Variants in LGR5 observed in about 807,000 individuals in gnomAD.
LGR5 encodes leucine rich repeat containing G protein-coupled receptor 5.
A neutral mutation model predicts 76.7 loss-of-function variants in LGR5; 54 were observed. That is an observed-to-expected ratio of 0.70 (90% confidence interval 0.57 to 0.88). LGR5 has a LOEUF of 0.88. LGR5 is among the 40% of genes least tolerant of loss of function. LGR5 has a pLI of 0.00. For synonymous variants in LGR5, 406 were observed against 421.9 expected, an observed-to-expected ratio of 0.96 and a Z score of 0.46; for missense variants, 1,078 against 1,073.3, an observed-to-expected ratio of 1.00 and a Z score of -0.06.
At chr12:71,567,205 C>T (rs1265290270) in intron 11 of LGR5, 1 of 377,288 alleles carries the variant, frequency 2.7e-6, no homozygotes, top group Non-Finnish European at 5.0e-6. Context: ...ACTTTATTTC[C>T]CCCTCTAAAG....
chr12:71,486,310 T>C (rs1009582678), intron 1 of LGR5, among the ~76,000 whole-genome samples: 1 of 152,146 alleles, frequency 6.6e-6, no homozygotes, highest in African/African-American at 2.4e-5. Context: ...AAGTACATAG[T>C]CAGTGTCCTC....
At chr12:71,565,259 C>T (rs1878282644) in intron 8 of LGR5, among the ~76,000 whole-genome samples, 1 of 151,764 alleles carries the variant, frequency 6.6e-6, no homozygotes, top group South Asian at 2.1e-4. Context: ...TATCCAAACC[C>T]TACCACTAAG....
chr12:71,471,586 T>C (rs922335060), intron 1 of LGR5, among the ~76,000 whole-genome samples: 1 of 152,116 alleles, frequency 6.6e-6, no homozygotes, highest in Non-Finnish European at 1.5e-5. Context: ...CACTGAATTG[T>C]AATACTTTAG....
chr12:71,572,361 C>T (rs774016308), intron 12 of LGR5, among the ~76,000 whole-genome samples: 4 of 152,162 alleles, frequency 2.6e-5, no homozygotes, highest in African/African-American at 7.2e-5. Context: ...CGATTACAGG[C>T]GTGAGCCACC....
At position 71,448,084 on chromosome 12, in the gene LGR5, A is replaced by AACACACACACACAC. The variant is rs35911721; in HGVS notation, c.212+7808_212+7821dup. Among the ~76,000 whole-genome samples the AACACACACACACAC allele has an allele frequency of 6.2e-3, 905 of 145,660 alleles. 5 individuals carry two copies. The highest frequency in any genetic ancestry group is 0.013 in the African/African-American group (499 of 39,806). ...TCCTCGTCTCCCTCACACACACACA[A>AACACACACACACAC]ACACACACACACACACACACACACA... On this transcript the variant is annotated intron_variant, in intron 1 of 17. Transcript: ENST00000266674.
chr12:71,473,238 A>C (rs974717445), intron 1 of LGR5, among the ~76,000 whole-genome samples: 31 of 152,314 alleles, frequency 2.0e-4, no homozygotes, highest in African/African-American at 7.2e-4. Context: ...ATCAACATTC[A>C]TAGAAATGTT....
At chr12:71,456,733 G>T (rs1872495111) in intron 1 of LGR5, among the ~76,000 whole-genome samples, 2 of 152,138 alleles carry the variant, frequency 1.3e-5, no homozygotes, top group Admixed American at 6.6e-5. Flanking sequence ...ATTTTAGCTA[G>T]AAATTATTAA....
At chr12:71,505,311 T>C (rs1565701576) in intron 2 of LGR5, among the ~76,000 whole-genome samples, 1 of 152,226 alleles carries the variant, frequency 6.6e-6, no homozygotes, top group Non-Finnish European at 1.5e-5. Flanking sequence ...GGAATTTTGA[T>C]TAAGTCTAGT....
chr12:71,534,770 A>G (rs1044172786), intron 3 of LGR5, among the ~76,000 whole-genome samples: 2 of 152,184 alleles, frequency 1.3e-5, no homozygotes, highest in Non-Finnish European at 2.9e-5. Context: ...AAATATTCAC[A>G]AGGATTTTCT....
intron 1 of LGR5, among the ~76,000 whole-genome samples, chr12:71,472,929 C>T (rs1156974666): frequency 6.6e-6 from 1 of 152,136 alleles, no homozygotes; most frequent in Non-Finnish European, 1.5e-5. Context: ...CAAACCTAAT[C>T]CTAAGTGGAT....
intron 1 of LGR5, among the ~76,000 whole-genome samples, chr12:71,479,042 G>C (rs1260560266): frequency 6.6e-6 from 1 of 152,172 alleles, no homozygotes; most frequent in Non-Finnish European, 1.5e-5. Context: ...AATCAGAGTA[G>C]AATCTGTGTC....
intron 4 of LGR5, among the ~76,000 whole-genome samples, chr12:71,549,268 A>C (rs1877355161): frequency 6.9e-6 from 1 of 145,598 alleles, no homozygotes; most frequent in Non-Finnish European, 1.5e-5. Context: ...CAGAGTGTAG[A>C]ATAGTGGTCG....
intron 2 of LGR5, among the ~76,000 whole-genome samples, chr12:71,514,586 A>AAAG: frequency 1.3e-5 from 2 of 149,928 alleles, no homozygotes; most frequent in African/African-American, 4.9e-5. Context: ...AAAAAGAAAG[A>AAAG]AAAAAAGAAA....
intron 5 of LGR5, among the ~76,000 whole-genome samples, chr12:71,554,773 C>T (rs1230606292): frequency 1.3e-5 from 2 of 152,144 alleles, no homozygotes; most frequent in African/African-American, 2.4e-5. Context: ...TATGCATTTG[C>T]ACAGTTTTTT....
intron 14 of LGR5, among the ~76,000 whole-genome samples, chr12:71,578,306 A>C (rs1157804754): frequency 5.3e-5 from 8 of 152,262 alleles, no homozygotes; most frequent in African/African-American, 1.9e-4. Context: ...CTTCCATTTT[A>C]TTTTATGCCA....
At chr12:71,509,924 A>T (rs1484506318) in intron 2 of LGR5, among the ~76,000 whole-genome samples, 5 of 152,174 alleles carry the variant, frequency 3.3e-5, no homozygotes, top group Non-Finnish European at 7.3e-5. Context: ...GTAGATATCT[A>T]TTATTACAGA....
At chr12:71,582,684 T>C in intron 17 of LGR5, 145 bp downstream of exon 17, 1 of 599,922 alleles carries the variant, frequency 1.7e-6, no homozygotes, top group Non-Finnish European at 3.0e-6. Context: ...GCCTGTCAAA[T>C]ACAAATGTTC....
At chr12:71,570,554 TC>T (rs1878560859) in intron 11 of LGR5, among the ~76,000 whole-genome samples, 1 of 152,148 alleles carries the variant, frequency 6.6e-6, no homozygotes, top group Non-Finnish European at 1.5e-5. Flanking sequence ...ATATTAATAA[TC>T]AGGTATATTT....
chr12:71,471,258 A>G (rs1375551618), intron 1 of LGR5, among the ~76,000 whole-genome samples: 2 of 152,250 alleles, frequency 1.3e-5, no homozygotes, highest in African/African-American at 4.8e-5. Context: ...ATGTCCACCA[A>G]CTGATGAATG....
Sources: allele counts gnomAD v4.1 joint callset (sites outside exome capture counted in the v4.1 genomes callset), GRCh38; gene constraint gnomAD v4.1.1; transcripts MANE v1.5; gene names NCBI Gene and HGNC (gene_info 2026-07-23, HGNC 2026-07-21).